Variants in PHYHIPL observed in about 807,000 individuals in gnomAD.
PHYHIPL encodes the protein phytanoyl-CoA hydroxylase-interacting protein-like.
A neutral mutation model predicts 33.4 loss-of-function variants in PHYHIPL; 9 were observed. The ratio of observed to expected loss-of-function variants is 0.27; its 90% confidence interval spans 0.16 to 0.47. The LOEUF (loss-of-function observed/expected upper bound fraction) is 0.47. Ranked by LOEUF, PHYHIPL falls within the 20% of genes least tolerant of loss-of-function variation. The probability of loss-of-function intolerance (pLI) is 0.99; values close to 1 mark genes in which losing one functional copy is unlikely to be tolerated. For synonymous variants in PHYHIPL, 153 were observed against 154.1 expected, an observed-to-expected ratio of 0.99 and a Z score of 0.05; for missense variants, 365 against 460.7, an observed-to-expected ratio of 0.79 and a Z score of 1.90.
At chr10:59,191,789 TTGTC>T (rs1284747569) in intron 1 of PHYHIPL, among the ~76,000 whole-genome samples, 1 of 152,048 alleles carries the variant, frequency 6.6e-6, no homozygotes, top group Non-Finnish European at 1.5e-5. Flanking sequence ...CATTTTAAAT[TTGTC>T]TGTTATTTCC....
Position 59,245,587 on chromosome 10 carries a change from G to A in PHYHIPL, c.1127G>A (p.Arg376His), listed in dbSNP as rs952187238. 6 of 1,586,192 alleles carry A rather than the reference G, an allele frequency of 3.8e-6. No homozygotes were observed. Among genetic ancestry groups the A allele is most frequent in the East Asian group, 2.2e-5 (1 of 44,726 alleles). The part of the protein sequence containing the change: ...SCKTCNISVG[R>H] ...AAAACCTGTAATATCAGTGTTGGAC[G>A]TTAATGCCCACTTTTCTTATTCTTA... The change falls in exon 5 of 5, where the codon CGT (arginine) becomes CAT (histidine). Residue 376 changes from arginine (R) to histidine (H), a missense_variant. Coordinates refer to ENST00000373880, the MANE Select transcript of PHYHIPL (RefSeq NM_032439.4).
Position 59,247,719 on chromosome 10 carries a change from A to G in PHYHIPL, c.*2128A>G, listed in dbSNP as rs772027845. 17 of 1,612,030 alleles carry G rather than the reference A, an allele frequency of 1.1e-5. 1 individual carries two copies. In the Middle Eastern group the frequency reaches 1.8e-3, roughly 172 times the overall value. ...AATACTCATCTGCCATTGGTATCCTATCTTCCTTTTGTGGACTTCTGCAAA... is the reference window on the plus strand; with the variant it reads ...AATACTCATCTGCCATTGGTATCCTGTCTTCCTTTTGTGGACTTCTGCAAA... On this transcript the variant is annotated 3_prime_UTR_variant, in exon 5 of 5. Coordinates refer to ENST00000373880, the MANE Select transcript of PHYHIPL (RefSeq NM_032439.4).
chr10:59,215,124 T>C (rs2133247049), intron 1 of PHYHIPL, among the ~76,000 whole-genome samples: 1 of 152,230 alleles, frequency 6.6e-6, no homozygotes, highest in Admixed American at 6.5e-5. Context: ...CTCATTGTTA[T>C]AGTCTGTGCC....
chr10:59,240,463 ACAGTTGGGCAAAAT>A (rs1840359848), intron 4 of PHYHIPL, among the ~76,000 whole-genome samples: 1 of 151,990 alleles, frequency 6.6e-6, no homozygotes, highest in African/African-American at 2.4e-5. Context: ...ACGTTAGCCT[ACAGTTGGGCAAAAT>A]TATCTAACAG....
At chr10:59,244,945 G>A in intron 4 of PHYHIPL, 112 bp from the exon 5 acceptor site, 2 of 1,049,944 alleles carry the variant, frequency 1.9e-6, no homozygotes, top group Non-Finnish European at 2.7e-6. Context: ...GATAGTAAGA[G>A]AGGTATTCAG....
intron 1 of PHYHIPL, among the ~76,000 whole-genome samples, chr10:59,203,340 A>G (rs1051288784): frequency 6.6e-6 from 1 of 152,230 alleles, no homozygotes; most frequent in African/African-American, 2.4e-5. Context: ...TAGTTCAACC[A>G]TTGTGGGAGA....
rs1840744517 is a variant in PHYHIPL at position 59,246,768 on chromosome 10, T to C, written c.*1177T>C. The C allele has an allele frequency of 5.1e-6, 2 of 395,722 alleles. No homozygotes were observed. Among genetic ancestry groups the C allele is most frequent in the East Asian group, 7.2e-5 (2 of 27,808 alleles). 24.5% of individuals were successfully genotyped at this position (395,722 alleles called of 1,614,324 possible). On this transcript the variant is annotated 3_prime_UTR_variant, in exon 5 of 5. Coordinates refer to ENST00000373880, the MANE Select transcript of PHYHIPL (RefSeq NM_032439.4). ...ATGTTGGAACATTAAGAAAAATGTA[T>C]ATTCCCAATGAAAAAATAGTTATAT...
At chr10:59,197,837 C>T (rs769434165) in intron 1 of PHYHIPL, among the ~76,000 whole-genome samples, 2 of 152,020 alleles carry the variant, frequency 1.3e-5, no homozygotes, top group Non-Finnish European at 2.9e-5. Context: ...ATTTTGTGCT[C>T]CTCTTACATA....
Position 59,190,944 on chromosome 10 carries a change from T to C in PHYHIPL, c.106+13985T>C, listed in dbSNP as rs185464319. On this transcript the variant is annotated intron_variant, in intron 1 of 4. Transcript: ENST00000373880. Reference sequence around the variant, plus strand: ...TATCCAAAACTATTTTTTAAATATCTAAATATCTAATCCTTATTAGTGTAT... The same window carrying C: ...TATCCAAAACTATTTTTTAAATATCCAAATATCTAATCCTTATTAGTGTAT... Among the ~76,000 whole-genome samples, 128 of 152,048 alleles carry C rather than the reference T, an allele frequency of 8.4e-4. 1 individual carries two copies. The highest frequency in any genetic ancestry group is 2.5e-3 in the African/African-American group (106 of 41,574).
At chr10:59,183,680 T>C in intron 1 of PHYHIPL, 1 of 985,080 alleles carries the variant, frequency 1.0e-6, no homozygotes, top group Non-Finnish European at 1.2e-6. Context: ...CAGATGTGAG[T>C]TGAACCAAGA....
chr10:59,247,359 A>T lies in PHYHIPL; in HGVS notation c.*1768A>T. On this transcript the variant is annotated 3_prime_UTR_variant, in exon 5 of 5. Coordinates refer to ENST00000373880, the MANE Select transcript of PHYHIPL (RefSeq NM_032439.4). ...GACATTTTTAAAAATACTTGTATTG[A>T]CTATGAGTTTTCTGCTTGGCATGGA... The T allele has an allele frequency of 2.2e-6, 1 of 453,486 alleles. No homozygotes were observed. The highest frequency in any genetic ancestry group is 3.9e-6 in the Non-Finnish European group (1 of 257,166). The allele number at this position is 453,486 out of a possible 1,614,324, so 28.1% of individuals were successfully genotyped here.
chr10:59,195,705 C>T (rs1434641716), intron 1 of PHYHIPL, among the ~76,000 whole-genome samples: 1 of 152,122 alleles, frequency 6.6e-6, no homozygotes, highest in South Asian at 2.1e-4. Context: ...TACCATGTCT[C>T]GAAACCCATT....
chr10:59,190,254 G>T (rs1838749245), intron 1 of PHYHIPL, among the ~76,000 whole-genome samples: 2 of 151,816 alleles, frequency 1.3e-5, no homozygotes, highest in Non-Finnish European at 1.5e-5. Flanking sequence ...GAAAATTCTG[G>T]TTCATACAAA....
At chr10:59,205,139 G>C (rs1839251381) in intron 1 of PHYHIPL, among the ~76,000 whole-genome samples, 1 of 152,224 alleles carries the variant, frequency 6.6e-6, no homozygotes, top group Admixed American at 6.5e-5. Context: ...ACAGGCATGA[G>C]CCACTGCTCC....
chr10:59,181,487 T>A (rs2133178559), intron 1 of PHYHIPL, among the ~76,000 whole-genome samples: 2 of 152,298 alleles, frequency 1.3e-5, no homozygotes, highest in East Asian at 3.9e-4. Context: ...TTGTTTTCAG[T>A]TTCTAGTTCA....
chr10:59,228,545 C>T (rs181095316), intron 1 of PHYHIPL, among the ~76,000 whole-genome samples: 1 of 152,190 alleles, frequency 6.6e-6, no homozygotes, highest in Non-Finnish European at 1.5e-5. Context: ...AAGCAGTTTT[C>T]CCTCAGCATA....
upstream of PHYHIPL, among the ~76,000 whole-genome samples, chr10:59,174,392 A>G (rs1838216897): frequency 6.6e-6 from 1 of 152,190 alleles, no homozygotes; most frequent in Non-Finnish European, 1.5e-5. Context: ...GAGAAACCCT[A>G]TCATTTGGTC....
Position 59,234,797 on chromosome 10 carries a change from C to T in PHYHIPL, c.303+297C>T, listed in dbSNP as rs116759687. On this transcript the variant is annotated intron_variant, in intron 2 of 4. Coordinates refer to ENST00000373880, the MANE Select transcript of PHYHIPL (RefSeq NM_032439.4). ...TTATTTAACTTATTAACGAGGAAAC[C>T]GATGAGGTGTTATAACCAGTTCAAA... is the stretch of plus-strand genomic sequence containing the variant. Among the ~76,000 whole-genome samples, 353 of 151,776 alleles carry T rather than the reference C, an allele frequency of 2.3e-3. 2 individuals carry two copies. Among genetic ancestry groups the T allele is most frequent in the African/African-American group, 6.2e-3 (258 of 41,498 alleles).
chr10:59,182,473 G>A (rs1280964762), intron 1 of PHYHIPL, among the ~76,000 whole-genome samples: 4 of 152,050 alleles, frequency 2.6e-5, no homozygotes, highest in Non-Finnish European at 2.9e-5. Context: ...CTCCCAAGTA[G>A]CTAGGATTAC....
Sources: gnomAD v4.1 joint callset for allele counts (sites outside exome capture counted in the v4.1 genomes callset) on GRCh38, gnomAD v4.1.1 for gene constraint, MANE v1.5 for transcripts, NCBI Gene and HGNC (gene_info 2026-07-23, HGNC 2026-07-21) for gene names.